The following PILRB variants were observed in gnomAD, a reference collection of about 807,000 sequenced individuals.
PILRB encodes the protein paired immunoglobin like type 2 receptor beta.
A neutral mutation model predicts 20.5 loss-of-function variants in PILRB; 21 were observed. The observed-to-expected ratio is 1.02, with a 90% CI of 0.72 to 1.47. The LOEUF is 1.47. Ranked by LOEUF, PILRB falls within the 40% of genes most tolerant of loss-of-function variation. The probability of loss-of-function intolerance (pLI) is 0.00; values close to 1 mark genes in which losing one functional copy is unlikely to be tolerated. For missense variants in PILRB, 253 were observed against 272.1 expected (o/e 0.93, Z 0.49); for synonymous variants, 133 against 115.1 (o/e 1.16, Z -0.99).
rs1790423309 is a variant in PILRB at position 100,358,357 on chromosome 7, C to G, written c.55C>G (p.Leu19Val). 3 of 1,612,554 alleles carry G rather than the reference C, an allele frequency of 1.9e-6. No individual in the cohort carries two copies. In the African/African-American group the frequency reaches 4.0e-5, roughly 22 times the overall value. Reference protein sequence around the residue: ...LLLLLQPPAFLQPGGSTGSGP... With the variant: ...LLLLLQPPAFVQPGGSTGSGP... ...GCTCCTGCTGCAGCCGCCAGCATTTCTGCAGCCTGGTGAGTACCCAGGACC... is the reference window on the plus strand; with the variant it reads ...GCTCCTGCTGCAGCCGCCAGCATTTGTGCAGCCTGGTGAGTACCCAGGACC... Residue 19 changes from leucine (L) to valine (V), a missense_variant, in exon 1 of 4, where the codon CTG (leucine) becomes GTG (valine). Physicochemically the swap from Leu to Val is conservative, Grantham distance 32 (BLOSUM62 1). Transcript: ENST00000609309.
intron 3 of PILRB, among the ~76,000 whole-genome samples, chr7:100,361,012 T>C (rs1295541209): frequency 6.6e-6 from 1 of 152,178 alleles, no homozygotes; most frequent in African/African-American, 2.4e-5. Context: ...CTCGGCTCAC[T>C]GCAAGCTCCC....
At chr7:100,364,459 G>A (rs1790618840) in intron 3 of PILRB, among the ~76,000 whole-genome samples, 1 of 152,190 alleles carries the variant, frequency 6.6e-6, no homozygotes, top group Non-Finnish European at 1.5e-5. Context: ...ACAGGGGAAG[G>A]ATGGTTTGTA....
At position 100,358,368 on chromosome 7, in the gene PILRB, T is replaced by C. The variant is rs767168366; in HGVS notation, c.64+2T>C. On this transcript the variant is annotated splice_donor_variant, in intron 1 of 3. Transcript: ENST00000609309. LOFTEE classifies it high-confidence loss of function. ...AGCCGCCAGCATTTCTGCAGCCTGG[T>C]GAGTACCCAGGACCGCCCAGGTATG... is the stretch of plus-strand genomic sequence containing the variant. The C allele has an allele frequency of 6.2e-7, 1 of 1,612,168 alleles. No homozygotes were observed. The highest frequency in any genetic ancestry group is 8.5e-7 in the Non-Finnish European group (1 of 1,179,966).
Position 100,358,332 on chromosome 7 carries a change from G to A in PILRB, c.30G>A (p.Leu10=), listed in dbSNP as rs1201500840. The A allele has an allele frequency of 6.2e-7, 1 of 1,612,950 alleles. No homozygotes were observed. The highest frequency in any genetic ancestry group is 8.5e-7 in the Non-Finnish European group (1 of 1,179,996). ...GTCGGCCCCTGCTGCTGCCCCTGCT[G>A]CTCCTGCTGCAGCCGCCAGCATTTC... The part of the protein sequence containing the change: MGRPLLLPL[L]LLLQPPAFLQ... The change falls in exon 1 of 4, where the codon CTG becomes CTA. Residue 10 remains leucine (L), a synonymous_variant. Transcript: ENST00000609309.
At chr7:100,360,815 C>T (rs1350239768) in intron 3 of PILRB, among the ~76,000 whole-genome samples, 1 of 152,158 alleles carries the variant, frequency 6.6e-6, no homozygotes, top group South Asian at 2.1e-4. Context: ...AAGAAGCACC[C>T]GTTTCCACTT....
rs370762512 is a variant in PILRB at position 100,361,236 on chromosome 7, G to A, written c.655+1699G>A. ...AGGCTTGAGCCACCGCACCCGGCCA[G>A]TTTGGAATCTGTTATACGGGAGATC... On this transcript the variant is annotated intron_variant, in intron 3 of 3. Coordinates refer to ENST00000609309, the MANE Select transcript of PILRB (RefSeq NM_178238.4). Among the ~76,000 whole-genome samples, 697 of 152,186 alleles carry A rather than the reference G, an allele frequency of 4.6e-3. 6 individuals carry two copies. The highest frequency in any genetic ancestry group is 0.016 in the African/African-American group (658 of 41,542).
At chr7:100,358,634 T>G (rs111877797) in intron 1 of PILRB, 56 bp from the exon 2 acceptor site, 1 of 1,587,292 alleles carries the variant, frequency 6.3e-7, no homozygotes, top group Non-Finnish European at 8.6e-7. Flanking sequence ...GTCACCCTCT[T>G]TGTGTCCTGA....
At chr7:100,362,697 CGTG>C (rs1255453299) in intron 3 of PILRB, among the ~76,000 whole-genome samples, 16 of 152,020 alleles carry the variant, frequency 1.1e-4, no homozygotes, top group South Asian at 2.1e-4. Flanking sequence ...TTGGAAGAAA[CGTG>C]GTTTTACTAT....
intron 3 of PILRB, among the ~76,000 whole-genome samples, chr7:100,367,087 C>T (rs1790714156): frequency 6.6e-6 from 1 of 152,090 alleles, no homozygotes; most frequent in Non-Finnish European, 1.5e-5. Flanking sequence ...GTTGGTCCCC[C>T]TACACGTCAG....
chr7:100,359,066 C>T lies in PILRB; in HGVS notation c.441C>T (p.Leu147=), dbSNP rs1429197400. ...QQLQSIKGTK[L]TITQAVTTTT... The stretch of plus-strand genomic sequence containing the variant: ...TGCAGTCCATCAAGGGGACCAAACT[C>T]ACCATCACCCAGGGTGAGTCCAGCT... The change falls in exon 2 of 4, where the codon CTC becomes CTT. Residue 147 remains leucine, a synonymous_variant. Transcript: ENST00000609309. The T allele has an allele frequency of 1.9e-6, 3 of 1,614,122 alleles. No individual in the cohort carries two copies. The highest frequency in any genetic ancestry group is 2.2e-5 in the South Asian group (2 of 91,088).
chr7:100,363,289 A>G (rs1790584952), intron 3 of PILRB, among the ~76,000 whole-genome samples: 1 of 152,218 alleles, frequency 6.6e-6, no homozygotes, highest in Non-Finnish European at 1.5e-5. Context: ...TAAGTATTGC[A>G]CAAAATTACC....
In PILRB at chr7:100,359,331, T is replaced by G; in HGVS notation, c.455-6T>G. The G allele has an allele frequency of 6.2e-7, 1 of 1,613,916 alleles. No individual in the cohort carries two copies. The highest frequency in any genetic ancestry group is 1.1e-5 in the South Asian group (1 of 91,070). ...AGAGGGTCTGCTCATTCCTCATCTC[T>G]TCCAGCTGTCACAACCACCACCACC... On this transcript the variant is annotated splice_polypyrimidine_tract_variant and splice_region_variant and intron_variant, in intron 2 of 3. Transcript: ENST00000609309.
rs1344968920 is a variant in PILRB, at chr7:100,359,097, G to A, written c.454+18G>A. ...CACCCAGGGTGAGTCCAGCTGCCCT[G>A]ACACCTGCCTTGCCCACCGCAGTGA... On this transcript the variant is annotated intron_variant, in intron 2 of 3. Coordinates refer to ENST00000609309, the MANE Select transcript of PILRB (RefSeq NM_178238.4). The A allele has an allele frequency of 2.5e-6, 4 of 1,613,706 alleles. No individual in the cohort carries two copies. The highest frequency in any genetic ancestry group is 3.4e-6 in the Non-Finnish European group (4 of 1,180,002).
chr7:100,364,982 ATAT>A (rs1441533795), intron 3 of PILRB, among the ~76,000 whole-genome samples: 1 of 152,032 alleles, frequency 6.6e-6, no homozygotes, highest in Non-Finnish European at 1.5e-5. Context: ...GAAAAAAATA[ATAT>A]TATTGAATCT....
At chr7:100,359,284 C>T in intron 2 of PILRB, 53 bp from the exon 3 acceptor site, 2 of 1,589,432 alleles carry the variant, frequency 1.3e-6, no homozygotes, top group Non-Finnish European at 1.7e-6. Flanking sequence ...TGCCTTTCAT[C>T]CAGACGCCCC....
At chr7:100,359,116 G>T in intron 2 of PILRB, 37 bp downstream of exon 2, 5 of 1,612,438 alleles carry the variant, frequency 3.1e-6, no homozygotes, top group South Asian at 2.2e-5. Flanking sequence ...CTTGCCCACC[G>T]CAGTGAGGGT....
At chr7:100,358,449 G>A (rs1315508837) in intron 1 of PILRB, 83 bp downstream of exon 1, 9 of 1,521,382 alleles carry the variant, frequency 5.9e-6, no homozygotes, top group Non-Finnish European at 8.1e-6. Context: ...AACATCTGGG[G>A]CAGGGGCCAG....
chr7:100,358,982 C>T lies in PILRB; in HGVS notation c.357C>T (p.Asp119=). Residue 119 remains aspartate (D), a synonymous_variant, in exon 2 of 4, where the codon GAC becomes GAT. Transcript: ENST00000609309. ...FLRISNLRKE[D]QSVYFCRVEL... is the part of the protein sequence containing the mutation. ...GGATCTCAAACCTGCGGAAGGAGGA[C>T]CAGTCTGTGTATTTCTGCCGAGTCG... The T allele has an allele frequency of 1.2e-6, 2 of 1,614,080 alleles. No homozygotes were observed. The highest frequency in any genetic ancestry group is 1.7e-6 in the Non-Finnish European group (2 of 1,180,028).
intron 3 of PILRB, among the ~76,000 whole-genome samples, chr7:100,366,164 G>A (rs1790678451): frequency 6.6e-6 from 1 of 152,038 alleles, no homozygotes; most frequent in Non-Finnish European, 1.5e-5. Context: ...ATATTGTTCA[G>A]GCTGATCTCG....
Sources: gnomAD v4.1 joint callset for allele counts (sites outside exome capture counted in the v4.1 genomes callset) on GRCh38, gnomAD v4.1.1 for gene constraint, MANE v1.5 for transcripts, NCBI Gene and HGNC (gene_info 2026-07-23, HGNC 2026-07-21) for gene names.